The following BAHCC1 variants were observed in gnomAD, a reference collection of about 807,000 sequenced individuals.
BAHCC1 encodes BAH and coiled-coil domain-containing protein 1.
Under a neutral mutation model 88.2 loss-of-function variants are expected in BAHCC1, and 43 were observed. The ratio of observed to expected loss-of-function variants is 0.49; its 90% CI spans 0.38 to 0.63. The LOEUF (loss-of-function observed/expected upper bound fraction) is 0.63. Ranked by LOEUF, BAHCC1 falls within the 20% of genes least tolerant of loss-of-function variation. The pLI, the probability that BAHCC1 is intolerant of heterozygous loss-of-function variation, is 0.00. For synonymous variants in BAHCC1, 1,510 were observed against 745.5 expected, an observed-to-expected ratio of 2.03 and a Z score of -16.71; for missense variants, 3,023 against 1,654.8, an observed-to-expected ratio of 1.83 and a Z score of -14.34.
At chr17:81,395,867 T>C (rs1406285866) in intron 1 of BAHCC1, 2 of 152,006 alleles carry the variant, frequency 1.3e-5, no homozygotes, top group South Asian at 2.1e-4. Flanking sequence ...AAAAATCTTA[T>C]CGATCGGTTT....
At chr17:81,446,453 A>G (rs951309848) in intron 10 of BAHCC1, among the ~76,000 whole-genome samples, 1 of 142,456 alleles carries the variant, frequency 7.0e-6, no homozygotes. Flanking sequence ...CAGCCCCGGC[A>G]GCCAGGGTTG....
Position 81,399,518 on chromosome 17 carries a change from G to A in BAHCC1, c.-206-16G>A, listed in dbSNP as rs1316677422. On this transcript the variant is annotated splice_polypyrimidine_tract_variant and intron_variant, in intron 1 of 27. Coordinates refer to ENST00000675386, the MANE Select transcript of BAHCC1 (RefSeq NM_001377448.1). The surrounding 1 kb of genome is among the most constrained non-coding windows in gnomAD (Gnocchi z 4.5). ...CCCCCCAGTCACCCGTGTCTCCTCT[G>A]CTTTTGCCTCCACAGACCATGGACC... 5.7e-6 allele frequency: 2 copies of A among 348,600 alleles called. No individual in the cohort carries two copies. The highest frequency in any genetic ancestry group is 1.1e-5 in the Non-Finnish European group (2 of 174,064). The allele number at this position is 348,600 out of a possible 1,614,324, so 21.6% of individuals were successfully genotyped here.
chr17:81,399,820 C>G lies in BAHCC1; in HGVS notation c.81C>G (p.Ala27=). The G allele has an allele frequency of 7.5e-7, 1 of 1,325,784 alleles. No individual in the cohort carries two copies. The highest frequency in any genetic ancestry group is 9.6e-7 in the Non-Finnish European group (1 of 1,039,670). 82.1% of individuals were successfully genotyped at this position (1,325,784 alleles called of 1,614,324 possible). The part of the protein sequence containing the change: ...GSLGHRSAAA[A]ARLAPAGPAA... ...TGGGCCACCGCAGCGCCGCTGCCGC[C>G]GCGCGTCTCGCCCCGGCTGGGCCCG... Residue 27 remains alanine (A), a synonymous_variant, in exon 2 of 28, where the codon GCC becomes GCG. Coordinates refer to ENST00000675386, the MANE Select transcript of BAHCC1 (RefSeq NM_001377448.1). The surrounding 1 kb of genome is among the most constrained non-coding windows in gnomAD (Gnocchi z 4.5).
At chr17:81,419,525 C>T (rs1021928191) in intron 2 of BAHCC1, among the ~76,000 whole-genome samples, 4 of 152,236 alleles carry the variant, frequency 2.6e-5, no homozygotes, top group Non-Finnish European at 5.9e-5. Flanking sequence ...CCGTTCCCAG[C>T]CACTCCTGGT....
intron 11 of BAHCC1, chr17:81,451,249 G>T (rs2064628336): frequency 5.5e-6 from 1 of 180,228 alleles, no homozygotes; most frequent in South Asian, 1.6e-4. Context: ...GCCTCAGTGG[G>T]CTCTCGTAGC....
At chr17:81,443,608 G>C (rs1387311890) in intron 5 of BAHCC1, 44 bp downstream of exon 5, 4 of 621,652 alleles carry the variant, frequency 6.4e-6, no homozygotes, top group African/African-American at 1.8e-5. Flanking sequence ...GGACAGTCTA[G>C]GGGGCCCAGC....
chr17:81,462,196 C>A (rs1369633987), intron 26 of BAHCC1, 150 bp downstream of exon 26: 2 of 587,926 alleles, frequency 3.4e-6, no homozygotes, highest in Non-Finnish European at 6.0e-6. Context: ...GAACAAAGAC[C>A]CATCCATGAC....
chr17:81,443,056 G>A lies in BAHCC1; in HGVS notation c.1707G>A (p.Leu569=), dbSNP rs1555653121. The A allele has an allele frequency of 1.3e-6, 1 of 778,306 alleles. No individual in the cohort carries two copies. Among genetic ancestry groups the A allele is most frequent in the African/African-American group, 1.7e-5 (1 of 59,274 alleles). 48.2% of individuals were successfully genotyped at this position (778,306 alleles called of 1,614,324 possible). Residue 569 remains leucine (L), a synonymous_variant, in exon 5 of 28, where the codon CTG becomes CTA. Coordinates refer to ENST00000675386, the MANE Select transcript of BAHCC1 (RefSeq NM_001377448.1). Reference sequence around the variant, plus strand: ...GGGCTGAGGCCAAGCGCAAGTCCCTGGAGCTGGCATCCCTGGGCTACAGTG... The same window carrying A: ...GGGCTGAGGCCAAGCGCAAGTCCCTAGAGCTGGCATCCCTGGGCTACAGTG... ...GIGAEAKRKS[L]ELASLGYSGP...
chr17:81,432,617 C>CTCCCATCG (rs2064276950), intron 3 of BAHCC1, among the ~76,000 whole-genome samples: 1 of 109,052 alleles, frequency 9.2e-6, no homozygotes, highest in Non-Finnish European at 2.0e-5. Flanking sequence ...CGTCCCCAGC[C>CTCCCATCG]CTGGACCCAC....
At chr17:81,444,862 G>T (rs782361075) in intron 8 of BAHCC1, 36 bp downstream of exon 8, 5 of 751,306 alleles carry the variant, frequency 6.7e-6, no homozygotes, top group South Asian at 1.4e-5. Flanking sequence ...GTACTTGGGG[G>T]GTGCTGTTGG....
Position 81,399,872 on chromosome 17 carries a change from C to T in BAHCC1, c.133C>T (p.Pro45Ser), listed in dbSNP as rs2063791683. 1 of 1,450,934 alleles carries T rather than the reference C, an allele frequency of 6.9e-7. No homozygotes were observed. The allele number at this position is 1,450,934 out of a possible 1,614,324, so 89.9% of individuals were successfully genotyped here. ...CGCGCAGCCCCCCGCACACTTCCAG[C>T]CGGGAAAGTACTTCCCGTCGCCGTT... is the stretch of plus-strand genomic sequence containing the variant. ...PAAQPPAHFQ[P>S]GKYFPSPLPM... Residue 45 changes from proline to serine, a missense_variant, in exon 2 of 28, where the codon CCG becomes TCG. Pro to Ser is a moderately conservative substitution (Grantham distance 74). Transcript: ENST00000675386. This position sits in a 1 kb window ranked among gnomAD's most constrained non-coding sequence, Gnocchi z 4.5.
In BAHCC1 at chr17:81,464,270, G is replaced by A. The variant is rs782280600; in HGVS notation, c.*453G>A. The A allele has an allele frequency of 2.8e-5, 7 of 251,170 alleles. No individual in the cohort carries two copies. The highest frequency in any genetic ancestry group is 4.4e-5 in the African/African-American group (2 of 45,190). 15.6% of individuals were successfully genotyped at this position (251,170 alleles called of 1,614,324 possible). A position where few individuals can be genotyped will look rare whatever the true frequency, so the allele number is the denominator to read the frequency against. ...AGTGGAAAAGGGTTTTTCCCCATCCGCGTGACAAGGTGTGTGTGAGCGTGT... is the reference window on the plus strand; with the variant it reads ...AGTGGAAAAGGGTTTTTCCCCATCCACGTGACAAGGTGTGTGTGAGCGTGT... On this transcript the variant is annotated 3_prime_UTR_variant, in exon 28 of 28. Coordinates refer to ENST00000675386, the MANE Select transcript of BAHCC1 (RefSeq NM_001377448.1).
Position 81,442,555 on chromosome 17 carries a change from C to G in BAHCC1, c.1206C>G (p.Ala402=), listed in dbSNP as rs782411538. 4 of 743,722 alleles carry G rather than the reference C, an allele frequency of 5.4e-6. No individual in the cohort carries two copies. Among genetic ancestry groups the G allele is most frequent in the Non-Finnish European group, 1.0e-5 (4 of 399,466 alleles). The allele number at this position is 743,722 out of a possible 1,614,324, so 46.1% of individuals were successfully genotyped here. A position where few individuals can be genotyped will look rare whatever the true frequency, so the allele number is the denominator to read the frequency against. Residue 402 remains alanine, a synonymous_variant, in exon 5 of 28, where the codon GCC becomes GCG. Coordinates refer to ENST00000675386, the MANE Select transcript of BAHCC1 (RefSeq NM_001377448.1). ...PTFVPSVGHL[A]DKGRPFQAAE... ...TCGTGCCTTCTGTGGGACACCTGGCCGACAAGGGCCGCCCCTTCCAGGCCG... is the reference window on the plus strand; with the variant it reads ...TCGTGCCTTCTGTGGGACACCTGGCGGACAAGGGCCGCCCCTTCCAGGCCG...
At position 81,461,126 on chromosome 17, in the gene BAHCC1, G is replaced by A. The variant is rs781813642; in HGVS notation, c.6463G>A (p.Ala2155Thr). The A allele has an allele frequency of 4.7e-5, 36 of 763,756 alleles. No individual in the cohort carries two copies. The highest frequency in any genetic ancestry group is 2.2e-4 in the Middle Eastern group (1 of 4,456). The allele number at this position is 763,756 out of a possible 1,614,324, so 47.3% of individuals were successfully genotyped here. Residue 2155 changes from alanine to threonine, a missense_variant, in exon 26 of 28, where the codon GCC (alanine) becomes ACC (threonine). Coordinates refer to ENST00000675386, the MANE Select transcript of BAHCC1 (RefSeq NM_001377448.1). Reference protein sequence around the residue: ...ATPIFGNGFRADSFSSLASSY... With the variant: ...ATPIFGNGFRTDSFSSLASSY... ...ACCCATATTTGGCAACGGCTTCCGC[G>A]CCGACTCCTTCAGCAGCCTGGCCAG...
chr17:81,433,758 G>A (rs868976578), intron 3 of BAHCC1, among the ~76,000 whole-genome samples: 16 of 152,226 alleles, frequency 1.1e-4, no homozygotes, highest in Admixed American at 3.3e-4. Context: ...CGAGGTCCCC[G>A]TGTGCTCAGG....
In BAHCC1 at chr17:81,442,566, G is replaced by A. The variant is rs368080799; in HGVS notation, c.1217G>A (p.Arg406His). ...PSVGHLADKG[R>H]PFQAAEACAV... The stretch of plus-strand genomic sequence containing the variant: ...GTGGGACACCTGGCCGACAAGGGCC[G>A]CCCCTTCCAGGCCGCCGAGGCCTGT... Residue 406 changes from arginine to histidine, a missense_variant, in exon 5 of 28, where the codon CGC becomes CAC. Transcript: ENST00000675386. 5.3e-5 allele frequency: 40 copies of A among 755,924 alleles called. No homozygotes were observed. Among genetic ancestry groups the A allele is most frequent in the Non-Finnish European group, 7.1e-5 (29 of 406,138 alleles). 46.8% of individuals were successfully genotyped at this position (755,924 alleles called of 1,614,324 possible).
intron 11 of BAHCC1, 27 bp downstream of exon 11, chr17:81,447,875 C>G (rs782487679): frequency 4.3e-5 from 31 of 715,574 alleles, no homozygotes; most frequent in Non-Finnish European, 7.0e-5. Flanking sequence ...CCGCCACCCC[C>G]CAGAGTCCCA....
In BAHCC1 at chr17:81,435,550, G is replaced by C. The variant is rs1555651599; in HGVS notation, c.359-2820G>C. On this transcript the variant is annotated intron_variant, in intron 3 of 27. Coordinates refer to ENST00000675386, the MANE Select transcript of BAHCC1 (RefSeq NM_001377448.1). The surrounding 1 kb of genome is among the most constrained non-coding windows in gnomAD (Gnocchi z 4.4). ...TCATAAAAGCTCCCGTCTCAAAGGG[G>C]TCTGGGAAGGGGAGGTTCTGGAGCC... The C allele has an allele frequency of 2.1e-6, 1 of 466,882 alleles. No individual in the cohort carries two copies. The highest frequency in any genetic ancestry group is 1.6e-5 in the South Asian group (1 of 64,416). The allele number at this position is 466,882 out of a possible 1,614,324, so 28.9% of individuals were successfully genotyped here. A position where few individuals can be genotyped will look rare whatever the true frequency, so the allele number is the denominator to read the frequency against.
At chr17:81,403,376 G>T (rs1598448906) in intron 2 of BAHCC1, among the ~76,000 whole-genome samples, 1 of 152,180 alleles carries the variant, frequency 6.6e-6, no homozygotes, top group South Asian at 2.1e-4. Flanking sequence ...GAAACCAGGT[G>T]CTCTGAGCCT....
Sources: gnomAD v4.1 joint callset for allele counts (sites outside exome capture counted in the v4.1 genomes callset) on GRCh38, gnomAD v4.1.1 for gene constraint, Gnocchi (gnomAD v3.1) non-coding constraint, MANE v1.5 for transcripts, NCBI Gene and HGNC (gene_info 2026-07-23, HGNC 2026-07-21) for gene names.